Variants in GINS4 observed in about 807,000 individuals in gnomAD.
The protein encoded by GINS4 is DNA replication complex GINS protein SLD5.
In GINS4, 20 loss-of-function variants were observed where a neutral mutation model predicts 31.1. The observed-to-expected ratio is 0.64, with a 90% CI of 0.45 to 0.93. The LOEUF is 0.93. GINS4 is among the 40% of genes least tolerant of loss of function. The pLI is 0.00. For missense variants in GINS4, 245 were observed against 273.9 expected (o/e 0.89, Z 0.75); for synonymous variants, 85 against 97.9 (o/e 0.87, Z 0.78).
rs1300436579 is a variant in GINS4 at position 41,529,962 on chromosome 8, A to G, written c.-19-222A>G. 6.3e-6 allele frequency: 3 copies of G among 478,828 alleles called. No homozygotes were observed. In the East Asian group the frequency reaches 1.1e-4, roughly 18 times the overall value. 29.7% of individuals were successfully genotyped at this position (478,828 alleles called of 1,614,324 possible). On this transcript the variant is annotated intron_variant, in intron 1 of 7. Transcript: ENST00000276533. ...GGGTGCTCAGCTCTTGGTGGACAGAAGTAAGGGGGAGGCTTGTTTGAGAAA... is the reference window on the plus strand; with the variant it reads ...GGGTGCTCAGCTCTTGGTGGACAGAGGTAAGGGGGAGGCTTGTTTGAGAAA...
intron 6 of GINS4, among the ~76,000 whole-genome samples, chr8:41,541,547 C>T (rs1306534936): frequency 2.0e-5 from 3 of 152,312 alleles, no homozygotes; most frequent in South Asian, 2.1e-4. Context: ...TAGCCCATAA[C>T]ACCAGGAGCA....
At chr8:41,536,505 C>T in intron 3 of GINS4, 59 bp downstream of exon 3, 2 of 997,186 alleles carry the variant, frequency 2.0e-6, no homozygotes, top group Non-Finnish European at 3.2e-6. Context: ...ATTTGGTCAG[C>T]ACACTGAGAG....
At chr8:41,529,811 C>G (rs1563428485) in intron 1 of GINS4, 1 of 161,234 alleles carries the variant, frequency 6.2e-6, no homozygotes, top group East Asian at 1.8e-4. Flanking sequence ...CATTGCGTCC[C>G]CAGTGCTTAG....
rs370803320 is a variant in GINS4, at chr8:41,543,270, C to T, written c.*1183C>T. On this transcript the variant is annotated 3_prime_UTR_variant, in exon 8 of 8. Coordinates refer to ENST00000276533, the MANE Select transcript of GINS4 (RefSeq NM_032336.3). ...GCAGAAGGCACCTCTGGACGGCTCC[C>T]GGCTTGTAGTTTAATGAAGTATGTG... The T allele has an allele frequency of 3.3e-5, 5 of 152,192 alleles. No homozygotes were observed. The highest frequency in any genetic ancestry group is 2.1e-4 in the South Asian group (1 of 4,826). 9.4% of individuals were successfully genotyped at this position (152,192 alleles called of 1,614,324 possible). A position where few individuals can be genotyped will look rare whatever the true frequency, so the allele number is the denominator to read the frequency against.
intron 4 of GINS4, 96 bp from the exon 5 acceptor site, chr8:41,539,582 C>A: frequency 1.2e-6 from 1 of 851,782 alleles, no homozygotes; most frequent in Non-Finnish European, 2.0e-6. Flanking sequence ...ACATGTCCTT[C>A]CTCGGGAGGG....
intron 2 of GINS4, among the ~76,000 whole-genome samples, chr8:41,533,855 T>C (rs945387589): frequency 1.3e-5 from 2 of 152,204 alleles, no homozygotes; most frequent in Non-Finnish European, 2.9e-5. Flanking sequence ...CTTGGGTTTG[T>C]AGGTGACCAT....
At chr8:41,537,355 C>CCTGGGGAAAACTTGGG (rs1806760482) in intron 4 of GINS4, 62 bp downstream of exon 4, 1 of 1,261,782 alleles carries the variant, frequency 7.9e-7, no homozygotes, top group Admixed American at 1.9e-5. Flanking sequence ...GACTGAATGT[C>CCTGGGGAAAACTTGGG]CTGGGGAAAA....
chr8:41,529,941 GC>G, intron 1 of GINS4: 8 of 423,432 alleles, frequency 1.9e-5, no homozygotes, highest in Admixed American at 8.1e-5. Context: ...TGTGATGGGT[GC>G]TCAGCTCTTG....
intron 2 of GINS4, among the ~76,000 whole-genome samples, chr8:41,531,434 G>T (rs951832200): frequency 6.6e-6 from 1 of 152,118 alleles, no homozygotes; most frequent in Non-Finnish European, 1.5e-5. Flanking sequence ...TTATCCTCTT[G>T]CTCTAACTGC....
chr8:41,542,147 G>T lies in GINS4; in HGVS notation c.*60G>T. The T allele has an allele frequency of 1.5e-6, 2 of 1,293,414 alleles. No homozygotes were observed. Among genetic ancestry groups the T allele is most frequent in the African/African-American group, 1.5e-5 (1 of 68,764 alleles). The allele number at this position is 1,293,414 out of a possible 1,614,324, so 80.1% of individuals were successfully genotyped here. ...GCCTGTAATCCCAGCACTTTGGGAG[G>T]CCGAGGCGGGCGGATCATGAGGTCA... On this transcript the variant is annotated 3_prime_UTR_variant, in exon 8 of 8. Coordinates refer to ENST00000276533, the MANE Select transcript of GINS4 (RefSeq NM_032336.3).
In GINS4 at chr8:41,539,748, C is replaced by T; in HGVS notation, c.368C>T (p.Ser123Leu). Reference protein sequence around the residue: ...TRPEGEPSSLSPEELAFAREF... With the variant: ...TRPEGEPSSLLPEELAFAREF... Reference sequence around the variant, plus strand: ...CCTGAGGGGGAGCCTTCCAGCCTCTCGCCGGAAGAGTTGGCCTTTGCCAGA... The same window carrying T: ...CCTGAGGGGGAGCCTTCCAGCCTCTTGCCGGAAGAGTTGGCCTTTGCCAGA... The change falls in exon 5 of 8, where the codon TCG becomes TTG. Residue 123 changes from serine to leucine, a missense_variant. By Grantham distance (145) the Ser-to-Leu change is moderately radical (BLOSUM62 -2). Transcript: ENST00000276533. 3.1e-6 allele frequency: 5 copies of T among 1,614,130 alleles called. No homozygotes were observed. Among genetic ancestry groups the T allele is most frequent in the Non-Finnish European group, 4.2e-6 (5 of 1,179,970 alleles).
intron 2 of GINS4, 116 bp downstream of exon 2, chr8:41,530,414 G>A: frequency 1.5e-6 from 1 of 685,748 alleles, no homozygotes; most frequent in South Asian, 1.9e-5. Context: ...TTAGAACAGG[G>A]ACTGGATCTT....
intron 2 of GINS4, chr8:41,534,301 G>A: frequency 5.0e-6 from 2 of 397,184 alleles, no homozygotes; most frequent in South Asian, 1.9e-5. Flanking sequence ...CAGCTACTCT[G>A]GAGGCTGAGG....
chr8:41,541,922 AGTGG>A lies in GINS4; in HGVS notation c.575+25_575+28del. On this transcript the variant is annotated intron_variant, in intron 7 of 7. Transcript: ENST00000276533. ...GAGGTGAGTGGCGTGCATCTTTCAC[AGTGG>A]GCACATTCCTCCCGATGGAGGGCCA... 1.9e-6 allele frequency: 3 copies of A among 1,612,308 alleles called. No individual in the cohort carries two copies. In the South Asian group the frequency reaches 3.3e-5, roughly 18 times the overall value.
chr8:41,536,237 G>T (rs1219596504), intron 2 of GINS4, 123 bp from the exon 3 acceptor site: 5 of 730,974 alleles, frequency 6.8e-6, no homozygotes, highest in Admixed American at 6.0e-5. Flanking sequence ...AATGTTTCCA[G>T]TTGGTGGGCA....
intron 6 of GINS4, among the ~76,000 whole-genome samples, 156 bp downstream of exon 6, chr8:41,540,160 G>A (rs556330936): frequency 6.3e-4 from 96 of 152,296 alleles, no homozygotes; most frequent in Middle Eastern, 6.8e-3. Flanking sequence ...AAAAAATCAC[G>A]GAAAGCAGAT....
At chr8:41,539,849 G>A (rs1193208446) in intron 5 of GINS4, 67 bp from the exon 6 acceptor site, 25 of 1,578,970 alleles carry the variant, frequency 1.6e-5, no homozygotes, top group Admixed American at 6.7e-5. Context: ...CCTGTGCGCT[G>A]CTGCCTGCTA....
chr8:41,530,337 CT>C, intron 2 of GINS4, 39 bp downstream of exon 2: 2 of 1,447,520 alleles, frequency 1.4e-6, no homozygotes, highest in Non-Finnish European at 1.9e-6. Context: ...TCCAGTCAGC[CT>C]TTTTATTTAG....
chr8:41,538,814 G>A (rs1330875527), intron 4 of GINS4, among the ~76,000 whole-genome samples: 2 of 151,778 alleles, frequency 1.3e-5, no homozygotes, highest in Non-Finnish European at 1.5e-5. Flanking sequence ...ACGTGATTCT[G>A]TTGCCTCAGC....
Sources: allele counts gnomAD v4.1 joint callset (sites outside exome capture counted in the v4.1 genomes callset), GRCh38; gene constraint gnomAD v4.1.1; transcripts MANE v1.5; gene names NCBI Gene and HGNC (gene_info 2026-07-23, HGNC 2026-07-21).